The following PRRT4 variants were observed in gnomAD, a reference collection of about 807,000 sequenced individuals.
PRRT4 encodes proline-rich transmembrane protein 4.
A neutral mutation model predicts 55.6 loss-of-function variants in PRRT4; 59 were observed. That is an observed-to-expected ratio of 1.06 (90% CI 0.86 to 1.32). The LOEUF (loss-of-function observed/expected upper bound fraction) is 1.32, where lower values mean the gene tolerates loss of function less well. Ranked by LOEUF, PRRT4 falls within the 40% of genes most tolerant of loss-of-function variation. The pLI is 0.00. For missense variants in PRRT4, 1,217 were observed against 1,222.0 expected (o/e 1.00, Z 0.06); for synonymous variants, 606 against 601.8 (o/e 1.01, Z -0.10).
At chr7:128,351,940 G>T in exon 5 of PRRT4, 2 of 1,295,300 alleles carry the variant, frequency 1.5e-6, no homozygotes, top group Non-Finnish European at 1.9e-6. Flanking sequence ...CGGCAGGGGT[G>T]TGGCGCCCTT....
chr7:128,354,006 C>T (rs1797057220), intron 4 of PRRT4, among the ~76,000 whole-genome samples: 1 of 152,194 alleles, frequency 6.6e-6, no homozygotes, highest in African/African-American at 2.4e-5. Flanking sequence ...GGAAGCTGAA[C>T]CTCTATCTGC....
At chr7:128,351,279 G>A (rs942968055) in exon 5 of PRRT4, 1 of 1,541,124 alleles carries the variant, frequency 6.5e-7, no homozygotes, top group Admixed American at 2.0e-5. Flanking sequence ...GGTAGAGTCC[G>A]AGCCCAGGCA....
intron 4 of PRRT4, among the ~76,000 whole-genome samples, chr7:128,355,859 G>A (rs987524131): frequency 6.6e-6 from 1 of 152,188 alleles, no homozygotes; most frequent in African/African-American, 2.4e-5. Context: ...TCAGAGGTTA[G>A]CTCCAATTCA....
intron 4 of PRRT4, among the ~76,000 whole-genome samples, chr7:128,356,147 TACTC>T (rs1797107401): frequency 6.6e-6 from 1 of 152,050 alleles, no homozygotes; most frequent in East Asian, 1.9e-4. Flanking sequence ...TAGTCCCAGA[TACTC>T]AGGAGGCTGA....
intron 4 of PRRT4, among the ~76,000 whole-genome samples, chr7:128,354,570 AACAC>A (rs927167837): frequency 1.3e-3 from 108 of 83,594 alleles, no homozygotes; most frequent in East Asian, 2.8e-3. Context: ...GCTCAAAAAA[AACAC>A]ACACACACAC....
chr7:128,359,924 G>C, exon 2 of PRRT4: 1 of 1,455,690 alleles, frequency 6.9e-7, no homozygotes, highest in Non-Finnish European at 9.1e-7. Context: ...GGTGGGCTGG[G>C]GGCCCACAGT....
chr7:128,350,676 C>T, downstream of PRRT4: 1 of 977,186 alleles, frequency 1.0e-6, no homozygotes, highest in East Asian at 2.7e-5. Flanking sequence ...GAAGGTGGCA[C>T]TGATTCCCAA....
chr7:128,351,757 A>G, exon 5 of PRRT4: 1 of 1,449,302 alleles, frequency 6.9e-7, no homozygotes, highest in Non-Finnish European at 9.0e-7. Flanking sequence ...GCCTAGCTGG[A>G]AGGCCCACCA....
exon 5 of PRRT4, chr7:128,351,562 C>T: frequency 6.7e-7 from 1 of 1,491,558 alleles, no homozygotes; most frequent in Non-Finnish European, 8.9e-7. Flanking sequence ...AGCGATGGCG[C>T]TCCCCAGGGG....
At chr7:128,361,537 A>G (rs3099907) in intron 1 of PRRT4, 24 bp downstream of exon 1, 5,410 of 152,836 alleles carry the variant, frequency 0.035, 291 homozygotes, top group African/African-American at 0.12. Flanking sequence ...CCCCCGGCCC[A>G]GCCCCGGCCC....
In PRRT4 at chr7:128,359,432, C is replaced by T. The variant is rs757097456; in HGVS notation, c.560G>A (p.Gly187Asp). The T allele has an allele frequency of 4.1e-6, 6 of 1,464,384 alleles. No homozygotes were observed. Among genetic ancestry groups the T allele is most frequent in the Non-Finnish European group, 5.4e-6 (6 of 1,108,078 alleles). 90.7% of individuals were successfully genotyped at this position (1,464,384 alleles called of 1,614,324 possible). Residue 187 changes from glycine (G) to aspartate (D), a missense_variant, in exon 2 of 5, where the codon GGT becomes GAT. Physicochemically the swap from Gly to Asp is moderately conservative, Grantham distance 94 (BLOSUM62 -1). This residue lies in a region of PRRT4 where 564 missense variants were observed against 592.9 expected (regional missense o/e 0.95). Coordinates refer to ENST00000535159, the Ensembl canonical transcript of PRRT4. ...TCGATGCCCAAGCGTGGGGGCTGCA[C>T]CTGCTCTCAGTGCCATGTCAAACTT...
At chr7:128,352,200 G>A in exon 5 of PRRT4, 3 of 1,504,398 alleles carry the variant, frequency 2.0e-6, no homozygotes, top group Admixed American at 2.1e-5. Context: ...CCAGCAGCAG[G>A]CAGGCCAGCC....
chr7:128,352,661 A>T (rs979399377), exon 5 of PRRT4: 3 of 1,534,390 alleles, frequency 2.0e-6, no homozygotes. Context: ...TCTGGGCCAG[A>T]GATGGGGACT....
exon 5 of PRRT4, chr7:128,352,012 G>A (rs1397327390): frequency 3.0e-6 from 4 of 1,313,602 alleles, no homozygotes; most frequent in Non-Finnish European, 2.9e-6. Flanking sequence ...GCAGGAGAGC[G>A]CCAGCAGCAG....
chr7:128,351,127 G>C (rs1355417194), exon 5 of PRRT4: 2 of 1,548,016 alleles, frequency 1.3e-6, no homozygotes, highest in South Asian at 2.4e-5. Context: ...GCTGTCCCGC[G>C]AGAGTCCGCA....
chr7:128,352,170 C>T (rs1796998537), exon 5 of PRRT4: 3 of 1,398,574 alleles, frequency 2.1e-6, no homozygotes, highest in African/African-American at 3.1e-5. Flanking sequence ...CGGTGGGGCA[C>T]CGCGGCGGGC....
At chr7:128,361,674 C>A (rs1004434519) in exon 1 of PRRT4, 8 of 152,504 alleles carry the variant, frequency 5.2e-5, no homozygotes, top group Non-Finnish European at 7.4e-5. Flanking sequence ...CGCCGGGGCT[C>A]CGCGGCAGCC....
chr7:128,357,251 C>T (rs1175747710), intron 4 of PRRT4, among the ~76,000 whole-genome samples: 1 of 89,378 alleles, frequency 1.1e-5, no homozygotes, highest in East Asian at 2.7e-4. Context: ...CTCTCTCTCT[C>T]TCTCTCTCTC....
At chr7:128,361,975 AAC>A (rs1387504027), upstream of PRRT4, among the ~76,000 whole-genome samples, 3 of 152,112 alleles carry the variant, frequency 2.0e-5, no homozygotes, top group Non-Finnish European at 4.4e-5. Context: ...CGCGCCAGGA[AAC>A]ACACTCGCAG....
Sources: allele counts gnomAD v4.1 joint callset (sites outside exome capture counted in the v4.1 genomes callset), GRCh38; gene constraint gnomAD v4.1.1; regional missense constraint gnomAD v4.1.1; transcripts MANE v1.5; gene names NCBI Gene and HGNC (gene_info 2026-07-23, HGNC 2026-07-21).